DDX46: variants seen among roughly 807,000 people sequenced by gnomAD.
DDX46 encodes the protein DEAD-box helicase 46.
DDX46 carries 30 observed loss-of-function variants against 134.9 expected under a neutral mutation model. The observed-to-expected ratio is 0.22, with a 90% confidence interval of 0.17 to 0.30. The LOEUF (loss-of-function observed/expected upper bound fraction) is 0.30. Among genes scored for constraint, DDX46 ranks in the 10% least tolerant of loss-of-function variants. The pLI is 1.00. For synonymous variants in DDX46, 415 were observed against 404.1 expected (o/e 1.03, Z -0.32); for missense variants, 622 against 1,248.7 (o/e 0.50, Z 7.56).
intron 21 of DDX46, among the ~76,000 whole-genome samples, chr5:134,823,400 A>G (rs1361845558): frequency 6.6e-6 from 1 of 151,990 alleles, no homozygotes; most frequent in Non-Finnish European, 1.5e-5. Context: ...TGGCCTCCCA[A>G]AGTGTTGGGA....
At chr5:134,767,632 C>T (rs949484546) in intron 3 of DDX46, among the ~76,000 whole-genome samples, 3 of 151,674 alleles carry the variant, frequency 2.0e-5, no homozygotes, top group South Asian at 2.1e-4. Flanking sequence ...TGAGCCACCG[C>T]GCCCAGCCAA....
rs201440746 is a variant in DDX46 at position 134,767,081 on chromosome 5, C to T, written c.350+21C>T. 112 of 1,604,534 alleles carry T rather than the reference C, an allele frequency of 7.0e-5. 1 individual carries two copies. Among genetic ancestry groups the T allele is most frequent in the Non-Finnish European group, 9.3e-5 (109 of 1,176,876 alleles). On this transcript the variant is annotated intron_variant, in intron 3 of 22. Coordinates refer to ENST00000452510, the MANE Select transcript of DDX46 (RefSeq NM_001300860.2). ...AATAGGTAATGTTATCATTGGGCTGCATCTATAGTGCAGACTGGGGACTGC... is the reference window on the plus strand; with the variant it reads ...AATAGGTAATGTTATCATTGGGCTGTATCTATAGTGCAGACTGGGGACTGC...
intron 16 of DDX46, among the ~76,000 whole-genome samples, chr5:134,809,093 C>T (rs969685936): frequency 6.6e-6 from 1 of 152,126 alleles, no homozygotes; most frequent in Non-Finnish European, 1.5e-5. Context: ...GGATTTAGCT[C>T]ACCTGCTTAT....
chr5:134,761,330 G>A (rs1753379436), intron 1 of DDX46, among the ~76,000 whole-genome samples: 1 of 152,150 alleles, frequency 6.6e-6, no homozygotes, highest in South Asian at 2.1e-4. Flanking sequence ...CAGCCAATTG[G>A]TGTTTTATTT....
chr5:134,792,312 A>G (rs534769296), intron 13 of DDX46, among the ~76,000 whole-genome samples: 21 of 152,190 alleles, frequency 1.4e-4, no homozygotes, highest in Non-Finnish European at 2.8e-4. Flanking sequence ...AAGGAGTACA[A>G]ATGGGATCCA....
chr5:134,801,434 C>T (rs886578989), intron 15 of DDX46, among the ~76,000 whole-genome samples: 13 of 151,968 alleles, frequency 8.6e-5, no homozygotes, highest in African/African-American at 3.1e-4. Flanking sequence ...TCTCTGTTGC[C>T]CAGGCTGGAG....
intron 5 of DDX46, among the ~76,000 whole-genome samples, chr5:134,775,570 C>G (rs1753908768): frequency 6.6e-6 from 1 of 152,090 alleles, no homozygotes; most frequent in South Asian, 2.1e-4. Context: ...ACCACCACGC[C>G]CAGCTAATTT....
intron 21 of DDX46, among the ~76,000 whole-genome samples, chr5:134,824,750 A>G (rs1755544627): frequency 6.6e-6 from 1 of 152,194 alleles, no homozygotes; most frequent in Non-Finnish European, 1.5e-5. Context: ...GGATGAAAAC[A>G]GGTGTTGCTA....
At chr5:134,801,370 A>C in intron 15 of DDX46, among the ~76,000 whole-genome samples, 1 of 152,054 alleles carries the variant, frequency 6.6e-6, no homozygotes, top group Non-Finnish European at 1.5e-5. Flanking sequence ...TATGCATCCA[A>C]GTTCCAAGTT....
Position 134,819,000 on chromosome 5 carries a change from T to G in DDX46, c.2973T>G (p.Ile991Met). The G allele has an allele frequency of 6.2e-7, 1 of 1,613,440 alleles. No individual in the cohort carries two copies. Among genetic ancestry groups the G allele is most frequent in the Non-Finnish European group, 8.5e-7 (1 of 1,179,740 alleles). ...GCGAGCGGAAGATTTACTTGGCAAT[T>G]GAAAGTATGTACTGTTAGTTCTGTT... ...KEGERKIYLA[I>M]ESANELAVQK... Residue 991 changes from isoleucine (I) to methionine (M), a missense_variant, in exon 21 of 23, where the codon ATT (isoleucine) becomes ATG (methionine). Physicochemically the swap from Ile to Met is conservative, Grantham distance 10. Around this residue, in one of 8 missense-constraint regions of DDX46, gnomAD observed 76 missense variants for 213.0 expected, o/e 0.36. Coordinates refer to ENST00000452510, the MANE Select transcript of DDX46 (RefSeq NM_001300860.2).
intron 21 of DDX46, among the ~76,000 whole-genome samples, chr5:134,819,342 A>G (rs1244772390): frequency 6.6e-6 from 1 of 152,340 alleles, no homozygotes; most frequent in East Asian, 1.9e-4. Context: ...GTATTAGTCC[A>G]CTTAATGAAT....
intron 1 of DDX46, among the ~76,000 whole-genome samples, chr5:134,760,340 G>A (rs186045016): frequency 2.0e-5 from 3 of 152,174 alleles, no homozygotes; most frequent in Non-Finnish European, 4.4e-5. Context: ...GTGGGAAGGC[G>A]CAAGGTGTTA....
intron 15 of DDX46, among the ~76,000 whole-genome samples, chr5:134,799,140 C>T (rs540994874): frequency 5.7e-4 from 86 of 152,192 alleles, no homozygotes; most frequent in African/African-American, 2.0e-3. Context: ...GGAACCAATC[C>T]CCTGAGGATA....
At chr5:134,775,799 C>T (rs770623639) in intron 5 of DDX46, among the ~76,000 whole-genome samples, 5 of 152,102 alleles carry the variant, frequency 3.3e-5, no homozygotes, top group South Asian at 2.1e-4. Context: ...GCCAAGTAGT[C>T]GTGATGTCTT....
rs530994026 is a variant in DDX46, at chr5:134,775,935, A to G, written c.614-1639A>G. On this transcript the variant is annotated intron_variant, in intron 5 of 22. Transcript: ENST00000452510. ...GGTAGCTAAGCACACCAACCCCCACACAGTGAAATATCCATATGTAACTTT... is the reference window on the plus strand; with the variant it reads ...GGTAGCTAAGCACACCAACCCCCACGCAGTGAAATATCCATATGTAACTTT... Among the ~76,000 whole-genome samples, 5 of 152,288 alleles carry G rather than the reference A, an allele frequency of 3.3e-5. No homozygotes were observed. The South Asian group carries it at 8.3e-4, about 25-fold the overall frequency.
intron 9 of DDX46, 139 bp from the exon 10 acceptor site, chr5:134,784,227 C>A (rs1011690989): frequency 1.0e-5 from 8 of 778,348 alleles, no homozygotes; most frequent in Middle Eastern, 5.5e-4. Context: ...GTACTTCATT[C>A]CTTTTTATTG....
At chr5:134,769,626 C>T (rs1157632908) in intron 3 of DDX46, among the ~76,000 whole-genome samples, 29 of 151,350 alleles carry the variant, frequency 1.9e-4, no homozygotes, top group East Asian at 1.2e-3. Context: ...CTGCAACCTC[C>T]GCCTCCCGAG....
In DDX46 at chr5:134,807,794, T is replaced by A; in HGVS notation, c.2001T>A (p.Asn667Lys). 6.2e-7 allele frequency: 1 copy of A among 1,614,158 alleles called. No individual in the cohort carries two copies. The highest frequency in any genetic ancestry group is 8.5e-7 in the Non-Finnish European group (1 of 1,180,016). The stretch of plus-strand genomic sequence containing the variant: ...ATAGCATCATAAATGACTTTAAGAA[T>A]GGGACCTGCAAACTTCTTGTGGCTA... ...DRDSIINDFK[N>K]GTCKLLVATS... The change falls in exon 16 of 23, where the codon AAT becomes AAA. Residue 667 changes from asparagine to lysine, a missense_variant. Asn to Lys is a moderately conservative substitution (Grantham distance 94). Around this residue, in one of 8 missense-constraint regions of DDX46, gnomAD observed 209 missense variants for 508.4 expected, o/e 0.41. Transcript: ENST00000452510.
chr5:134,792,909 C>T (rs1754545532), intron 13 of DDX46, among the ~76,000 whole-genome samples: 1 of 152,132 alleles, frequency 6.6e-6, no homozygotes, highest in Admixed American at 6.5e-5. Flanking sequence ...GATCTCTGCA[C>T]TTTGGGAGGT....
Sources: allele counts gnomAD v4.1 joint callset (sites outside exome capture counted in the v4.1 genomes callset), GRCh38; gene constraint gnomAD v4.1.1; regional missense constraint gnomAD v4.1.1; transcripts MANE v1.5; gene names NCBI Gene and HGNC (gene_info 2026-07-23, HGNC 2026-07-21).